CDH13: variants seen among roughly 807,000 people sequenced by gnomAD.
The protein encoded by CDH13 is cadherin-13.
In CDH13, 24 loss-of-function variants were observed where a neutral mutation model predicts 63.8. The observed-to-expected ratio is 0.38, with a 90% CI of 0.27 to 0.53. CDH13 has a LOEUF of 0.53. CDH13 is among the 20% of genes least tolerant of loss of function. The probability of loss-of-function intolerance (pLI) is 0.85; values close to 1 mark genes in which losing one functional copy is unlikely to be tolerated. For synonymous variants in CDH13, 503 were observed against 355.3 expected (o/e 1.42, Z -4.67); for missense variants, 1,049 against 903.1 (o/e 1.16, Z -2.07).
chr16:83,328,575 C>T (rs570603510), intron 5 of CDH13, among the ~76,000 whole-genome samples: 1 of 152,244 alleles, frequency 6.6e-6, no homozygotes, highest in East Asian at 1.9e-4. Context: ...GAAAGAGCAA[C>T]TCAGAAACAA....
chr16:83,387,932 C>G (rs1221266843), intron 6 of CDH13, among the ~76,000 whole-genome samples: 1 of 152,150 alleles, frequency 6.6e-6, no homozygotes, highest in Admixed American at 6.5e-5. Context: ...TCAAGAATTT[C>G]TGTAGTGCTG....
chr16:83,140,182 GCCT>G (rs1368705908), intron 4 of CDH13, among the ~76,000 whole-genome samples: 1 of 151,994 alleles, frequency 6.6e-6, no homozygotes, highest in Non-Finnish European at 1.5e-5. Context: ...ATTCCAACAA[GCCT>G]CCTGGCACTG....
chr16:83,071,763 A>G (rs1010176203), intron 3 of CDH13, among the ~76,000 whole-genome samples: 1 of 152,218 alleles, frequency 6.6e-6, no homozygotes. Context: ...TTAAAAATAC[A>G]TAGCATATAT....
chr16:83,572,502 G>A (rs1312436874), intron 7 of CDH13, among the ~76,000 whole-genome samples: 3 of 151,944 alleles, frequency 2.0e-5, no homozygotes, highest in East Asian at 1.9e-4. Flanking sequence ...GGACCATCTC[G>A]TCTCACCTGG....
chr16:83,028,397 T>C lies in CDH13; in HGVS notation c.158-3613T>C, dbSNP rs368433949. Among the ~76,000 whole-genome samples the C allele has an allele frequency of 3.3e-5, 5 of 152,196 alleles. No homozygotes were observed. In the East Asian group the frequency reaches 9.6e-4, roughly 29 times the overall value. ...GTCCATGCAAAGATGGCTCTAAAGCTGACTTAACCACGGAAAGCCTTAGAA... is the reference window on the plus strand; with the variant it reads ...GTCCATGCAAAGATGGCTCTAAAGCCGACTTAACCACGGAAAGCCTTAGAA... On this transcript the variant is annotated intron_variant, in intron 2 of 13. Coordinates refer to ENST00000567109, the MANE Select transcript of CDH13 (RefSeq NM_001257.5).
chr16:82,894,128 A>G (rs1433275265), intron 2 of CDH13, among the ~76,000 whole-genome samples: 5 of 152,198 alleles, frequency 3.3e-5, no homozygotes, highest in East Asian at 1.9e-4. Flanking sequence ...CCTTCATTCA[A>G]TGATGAGTAC....
chr16:82,807,378 G>T (rs2037197091), intron 1 of CDH13, among the ~76,000 whole-genome samples: 1 of 152,126 alleles, frequency 6.6e-6, no homozygotes, highest in Non-Finnish European at 1.5e-5. Flanking sequence ...TTTCTCTTTG[G>T]CAGTTTGGGC....
At chr16:83,739,736 G>C (rs974081970) in intron 10 of CDH13, among the ~76,000 whole-genome samples, 9 of 152,242 alleles carry the variant, frequency 5.9e-5, no homozygotes, top group African/African-American at 1.9e-4. Flanking sequence ...TTAGAATTCT[G>C]GGTCACCCAG....
intron 1 of CDH13, among the ~76,000 whole-genome samples, chr16:82,638,385 C>G (rs185841736): frequency 6.6e-6 from 1 of 152,218 alleles, no homozygotes; most frequent in South Asian, 2.1e-4. Context: ...AGATAATTGA[C>G]TTCATTTCCC....
intron 5 of CDH13, among the ~76,000 whole-genome samples, chr16:83,275,103 C>T (rs927233079): frequency 5.3e-5 from 8 of 152,134 alleles, no homozygotes; most frequent in African/African-American, 9.7e-5. Context: ...ACTATATTCC[C>T]ATTTCCTAGA....
At chr16:83,780,701 C>G (rs1481621809) in intron 12 of CDH13, among the ~76,000 whole-genome samples, 1 of 152,170 alleles carries the variant, frequency 6.6e-6, no homozygotes, top group Non-Finnish European at 1.5e-5. Context: ...TCCTCTTTCT[C>G]TTCCTTTTTT....
intron 2 of CDH13, among the ~76,000 whole-genome samples, chr16:82,915,219 T>C (rs960533175): frequency 2.6e-5 from 4 of 152,250 alleles, no homozygotes; most frequent in Admixed American, 1.3e-4. Flanking sequence ...GTCCTTTTTA[T>C]GGTCAATCAA....
intron 5 of CDH13, among the ~76,000 whole-genome samples, chr16:83,257,552 A>G (rs1464245785): frequency 6.6e-6 from 1 of 152,166 alleles, no homozygotes; most frequent in Non-Finnish European, 1.5e-5. Flanking sequence ...ATCTGTTAGG[A>G]AGAAAAACTC....
intron 4 of CDH13, among the ~76,000 whole-genome samples, chr16:83,194,779 T>G (rs1304931054): frequency 6.6e-6 from 1 of 152,196 alleles, no homozygotes; most frequent in Non-Finnish European, 1.5e-5. Context: ...GAGCATTACC[T>G]GAGACGGGTC....
At chr16:83,031,410 G>A (rs1017448033) in intron 2 of CDH13, among the ~76,000 whole-genome samples, 1 of 146,648 alleles carries the variant, frequency 6.8e-6, no homozygotes, top group African/African-American at 2.5e-5. Flanking sequence ...ACATGTATAT[G>A]TATACACGTA....
At chr16:83,130,908 C>G (rs2036014174) in intron 4 of CDH13, among the ~76,000 whole-genome samples, 1 of 152,046 alleles carries the variant, frequency 6.6e-6, no homozygotes, top group East Asian at 1.9e-4. Context: ...GCAAGTTAGC[C>G]CTTGGTGGAG....
At chr16:83,056,055 C>G (rs1227215213) in intron 3 of CDH13, among the ~76,000 whole-genome samples, 3 of 152,094 alleles carry the variant, frequency 2.0e-5, no homozygotes, top group Non-Finnish European at 4.4e-5. Flanking sequence ...ATTTAACAGG[C>G]TTTTAACAAA....
intron 4 of CDH13, among the ~76,000 whole-genome samples, chr16:83,216,443 T>TATATATATAAATATATATATATATAC (rs1472700247): frequency 8.6e-5 from 8 of 93,434 alleles, no homozygotes; most frequent in Non-Finnish European, 1.3e-4. Flanking sequence ...TATATATATA[T>TATATATATAAATATATATATATATAC]ACACAACCCT....
chr16:83,181,032 G>A (rs561347469), intron 4 of CDH13: 36 of 1,499,442 alleles, frequency 2.4e-5, no homozygotes, highest in Middle Eastern at 1.8e-4. Flanking sequence ...ACTAGCACTC[G>A]GTATTTCAAA....
Sources: allele counts gnomAD v4.1 joint callset (sites outside exome capture counted in the v4.1 genomes callset), GRCh38; gene constraint gnomAD v4.1.1; transcripts MANE v1.5; gene names NCBI Gene and HGNC (gene_info 2026-07-23, HGNC 2026-07-21).